SPATA13: variants seen among roughly 807,000 people sequenced by gnomAD.
The protein encoded by SPATA13 is spermatogenesis associated 13, also known as spermatogenesis-associated protein 13.
A neutral mutation model predicts 104.0 loss-of-function variants in SPATA13; 50 were observed. That is an observed-to-expected ratio of 0.48 (90% CI 0.38 to 0.61). The LOEUF (loss-of-function observed/expected upper bound fraction) is 0.61. Ranked by LOEUF, SPATA13 falls within the 20% of genes least tolerant of loss-of-function variation. SPATA13 has a pLI of 0.00. For missense variants in SPATA13, 1,524 were observed against 1,690.6 expected (o/e 0.90, Z 1.73); for synonymous variants, 606 against 667.5 (o/e 0.91, Z 1.42).
rs879552669 is a variant in SPATA13 at position 24,289,236 on chromosome 13, T to C, written c.2847+58T>C. The C allele has an allele frequency of 4.0e-5, 57 of 1,409,046 alleles. No homozygotes were observed. In the Admixed American group the frequency reaches 1.2e-3, roughly 28 times the overall value. The allele number at this position is 1,409,046 out of a possible 1,614,324, so 87.3% of individuals were successfully genotyped here. A position where few individuals can be genotyped will look rare whatever the true frequency, so the allele number is the denominator to read the frequency against. ...TCTGCTTACATAATTTTGAAGTGCA[T>C]CTCCACAGAAAACAGGAGTCTCTTT... On this transcript the variant is annotated intron_variant, in intron 8 of 12. Transcript: ENST00000382108.
intron 3 of SPATA13, among the ~76,000 whole-genome samples, chr13:24,127,994 G>A (rs536568724): frequency 1.3e-5 from 2 of 152,324 alleles, no homozygotes; most frequent in South Asian, 4.1e-4. Context: ...TGTAATTCAA[G>A]GGCTAACCCA....
intron 3 of SPATA13, among the ~76,000 whole-genome samples, chr13:24,094,964 G>C (rs911484865): frequency 6.6e-6 from 1 of 152,180 alleles, no homozygotes; most frequent in Non-Finnish European, 1.5e-5. Context: ...GTGGGAATTT[G>C]TAAAATGATG....
intron 2 of SPATA13, among the ~76,000 whole-genome samples, chr13:24,009,506 A>G (rs1256457110): frequency 1.3e-5 from 2 of 152,230 alleles, no homozygotes; most frequent in South Asian, 2.1e-4. Flanking sequence ...AGTCAAAGAC[A>G]TGTAAAGATG....
rs115399535 is a variant in SPATA13 at position 24,187,851 on chromosome 13, A to G, written c.-112+26919A>G. ...AACAATATTGAAAGTAGGCCAATTA[A>G]TAACTCTACAATAACCTCTAAGTGT... On this transcript the variant is annotated intron_variant, in intron 1 of 12. Transcript: ENST00000382108. 6.1e-3 allele frequency among the ~76,000 whole-genome samples: 928 copies of G among 152,290 alleles called. 8 individuals are homozygous for G. The highest frequency in any genetic ancestry group is 0.021 in the African/African-American group (863 of 41,546).
chr13:24,297,853 G>C, intron 11 of SPATA13, 118 bp downstream of exon 11: 2 of 1,269,386 alleles, frequency 1.6e-6, no homozygotes, highest in South Asian at 3.1e-5. Context: ...TCCCACCATG[G>C]GGAAAGGACA....
At chr13:24,292,346 C>T (rs1022526964) in intron 9 of SPATA13, among the ~76,000 whole-genome samples, 3 of 152,238 alleles carry the variant, frequency 2.0e-5, no homozygotes, top group African/African-American at 4.8e-5. Flanking sequence ...TCTGAGTTCT[C>T]ACCTGGCCAG....
At chr13:24,296,301 G>A (rs1038631782) in intron 10 of SPATA13, among the ~76,000 whole-genome samples, 1 of 152,180 alleles carries the variant, frequency 6.6e-6, no homozygotes, top group Non-Finnish European at 1.5e-5. Context: ...CTATTTTGGA[G>A]TCAGGCTCTT....
chr13:24,003,237 G>C (rs1472339364), intron 2 of SPATA13, among the ~76,000 whole-genome samples: 1 of 152,078 alleles, frequency 6.6e-6, no homozygotes, highest in Non-Finnish European at 1.5e-5. Context: ...GCCTAGGCCA[G>C]ATCACTCAGA....
At chr13:24,147,602 TA>T in intron 3 of SPATA13, among the ~76,000 whole-genome samples, 1 of 152,200 alleles carries the variant, frequency 6.6e-6, no homozygotes, top group South Asian at 2.1e-4. Flanking sequence ...CCACACCTTT[TA>T]AAAAAACTTG....
chr13:24,041,963 G>A (rs1049958718), intron 3 of SPATA13, among the ~76,000 whole-genome samples: 1 of 152,200 alleles, frequency 6.6e-6, no homozygotes, highest in African/African-American at 2.4e-5. Context: ...CATGCTGTTC[G>A]AAAAATGTTG....
At chr13:24,283,147 C>T (rs574398282) in intron 4 of SPATA13, among the ~76,000 whole-genome samples, 1 of 152,328 alleles carries the variant, frequency 6.6e-6, no homozygotes, top group African/African-American at 2.4e-5. Context: ...GTCGCCTGCT[C>T]CTCTTCCAGG....
At chr13:24,032,282 A>G (rs528043989) in intron 3 of SPATA13, among the ~76,000 whole-genome samples, 32 of 152,274 alleles carry the variant, frequency 2.1e-4, no homozygotes, top group Non-Finnish European at 4.0e-4. Context: ...TGTATTCAAC[A>G]CTGAGCCTGC....
At chr13:24,120,546 T>C (rs1477366137) in intron 3 of SPATA13, among the ~76,000 whole-genome samples, 4 of 152,210 alleles carry the variant, frequency 2.6e-5, no homozygotes, top group African/African-American at 9.7e-5. Flanking sequence ...CACCACTCAC[T>C]AGCTGCCTGG....
chr13:24,155,974 G>A (rs1882245352), upstream of SPATA13, among the ~76,000 whole-genome samples: 1 of 152,166 alleles, frequency 6.6e-6, no homozygotes, highest in South Asian at 2.1e-4. Context: ...TTAATGTAAT[G>A]TCCTCAGGGT....
At chr13:24,288,230 T>C (rs1876097005) in intron 7 of SPATA13, among the ~76,000 whole-genome samples, 1 of 152,142 alleles carries the variant, frequency 6.6e-6, no homozygotes, top group African/African-American at 2.4e-5. Context: ...ACAGAGAAGT[T>C]AAGTGGTGGG....
intron 1 of SPATA13, among the ~76,000 whole-genome samples, chr13:24,173,362 T>TTGTGTGTGTG (rs60850610): frequency 1.7e-4 from 25 of 146,832 alleles, no homozygotes; most frequent in East Asian, 8.0e-4. Flanking sequence ...TAGTTCTTAG[T>TTGTGTGTGTG]TGTGTGTGTG....
In SPATA13 at chr13:24,164,917, C is replaced by A. The variant is rs546421341; in HGVS notation, c.-112+3985C>A. 4.6e-5 allele frequency among the ~76,000 whole-genome samples: 7 copies of A among 152,340 alleles called. No homozygotes were observed. The East Asian group carries it at 1.4e-3, about 29-fold the overall frequency. On this transcript the variant is annotated intron_variant, in intron 1 of 12. Transcript: ENST00000382108. Reference sequence around the variant, plus strand: ...GTTCCCAGTCCAGCCGTCGCGCTAACTTCGGGGTTGTGGACGATGCCCTCT... The same window carrying A: ...GTTCCCAGTCCAGCCGTCGCGCTAAATTCGGGGTTGTGGACGATGCCCTCT...
intron 3 of SPATA13, among the ~76,000 whole-genome samples, chr13:24,149,256 A>G (rs1311991382): frequency 6.6e-6 from 1 of 152,244 alleles, no homozygotes. Flanking sequence ...AATTTCCACC[A>G]GAATTAAATA....
At chr13:24,285,219 C>T (rs370740613) in intron 5 of SPATA13, among the ~76,000 whole-genome samples, 8 of 152,262 alleles carry the variant, frequency 5.3e-5, no homozygotes, top group South Asian at 2.1e-4. Context: ...TAATTGTTAA[C>T]GATCTCAAGA....
Sources: gnomAD v4.1 joint callset for allele counts (sites outside exome capture counted in the v4.1 genomes callset) on GRCh38, gnomAD v4.1.1 for gene constraint, MANE v1.5 for transcripts, NCBI Gene and HGNC (gene_info 2026-07-23, HGNC 2026-07-21) for gene names.